WWTR1: variants seen among roughly 807,000 people sequenced by gnomAD.
WWTR1 encodes the protein WW domain-containing transcription regulator protein 1.
WWTR1 carries 13 observed loss-of-function variants against 40.1 expected under a neutral mutation model. The ratio of observed to expected loss-of-function variants is 0.32; its 90% CI spans 0.21 to 0.52. The LOEUF is 0.52. Among genes scored for constraint, WWTR1 ranks in the 20% least tolerant of loss-of-function variants. WWTR1 has a pLI of 0.97. For synonymous variants in WWTR1, 230 were observed against 210.1 expected (o/e 1.09, Z -0.82); for missense variants, 436 against 523.1 (o/e 0.83, Z 1.63).
chr3:149,534,851 G>C (rs1486560818), intron 4 of WWTR1, among the ~76,000 whole-genome samples: 1 of 152,140 alleles, frequency 6.6e-6, no homozygotes, highest in Admixed American at 6.5e-5. Flanking sequence ...CTGGAGGACG[G>C]GTGATGTGTA....
intron 2 of WWTR1, among the ~76,000 whole-genome samples, chr3:149,636,672 T>C (rs1396449131): frequency 1.3e-5 from 2 of 152,178 alleles, no homozygotes; most frequent in Non-Finnish European, 2.9e-5. Flanking sequence ...GCTTATTGCA[T>C]AGGAAAGAGT....
intron 2 of WWTR1, among the ~76,000 whole-genome samples, chr3:149,650,338 C>T (rs546286388): frequency 1.5e-4 from 23 of 152,330 alleles, no homozygotes; most frequent in Admixed American, 5.2e-4. Context: ...TTTGGAATCA[C>T]AGAGTTCTAA....
chr3:149,568,990 T>C (rs1341414193), intron 3 of WWTR1, among the ~76,000 whole-genome samples: 1 of 152,148 alleles, frequency 6.6e-6, no homozygotes, highest in East Asian at 1.9e-4. Flanking sequence ...ACGGTCTCGA[T>C]CTCCTGACCT....
chr3:149,599,712 A>G (rs746132599), intron 2 of WWTR1, among the ~76,000 whole-genome samples: 1 of 152,206 alleles, frequency 6.6e-6, no homozygotes, highest in Non-Finnish European at 1.5e-5. Flanking sequence ...TAAATCAAAA[A>G]TTTTTTAAAC....
chr3:149,651,970 C>T lies in WWTR1; in HGVS notation c.431+4906G>A, dbSNP rs562520476. Among the ~76,000 whole-genome samples, 17 of 149,086 alleles carry T rather than the reference C, an allele frequency of 1.1e-4. No individual in the cohort carries two copies. The South Asian group carries it at 3.7e-3, about 32-fold the overall frequency. ...TCAGCCTCCTGAGTAGGACTACAGG[C>T]GCCCGCTGCCACGCCCGGCTAATTT... On this transcript the variant is annotated intron_variant, in intron 2 of 6. Coordinates refer to ENST00000360632, the MANE Select transcript of WWTR1 (RefSeq NM_015472.6).
intron 2 of WWTR1, among the ~76,000 whole-genome samples, chr3:149,624,869 CATTTTATTTATTTT>C (rs1740472130): frequency 6.6e-6 from 1 of 151,038 alleles, no homozygotes; most frequent in Non-Finnish European, 1.5e-5. Context: ...CCAGCTAATT[CATTTTATTTATTTT>C]ATTTTATTTA....
chr3:149,722,357 T>C (rs1235817130), intron 4 of WWTR1, among the ~76,000 whole-genome samples: 1 of 152,114 alleles, frequency 6.6e-6, no homozygotes, highest in Non-Finnish European at 1.5e-5. Flanking sequence ...AAGACATTTA[T>C]TGTTTTTTTA....
At chr3:149,603,711 A>T (rs1290580035) in intron 2 of WWTR1, among the ~76,000 whole-genome samples, 1 of 152,152 alleles carries the variant, frequency 6.6e-6, no homozygotes, top group East Asian at 1.9e-4. Flanking sequence ...TTCCACACAG[A>T]AAGTTTTGTG....
intron 1 of WWTR1, among the ~76,000 whole-genome samples, chr3:149,688,007 GGAGAGACTTCTGCTTGAGGAAAA>G: frequency 6.6e-6 from 1 of 151,744 alleles, no homozygotes; most frequent in Middle Eastern, 3.4e-3. Flanking sequence ...GTGGACATGG[GGAGAGACTTCTGCTTGAGGAAAA>G]GAGAGACTTC....
intron 5 of WWTR1, among the ~76,000 whole-genome samples, chr3:149,709,068 C>T (rs558547298): frequency 9.2e-5 from 14 of 152,202 alleles, no homozygotes; most frequent in African/African-American, 2.9e-4. Flanking sequence ...CTCTGCCTCC[C>T]GGGCTCAAGC....
intron 1 of WWTR1, among the ~76,000 whole-genome samples, chr3:149,691,099 G>GA (rs1714811818): frequency 6.6e-6 from 1 of 151,506 alleles, no homozygotes; most frequent in Admixed American, 6.6e-5. Context: ...TTTTTTAAAA[G>GA]AAAAAATTTC....
At position 149,666,211 on chromosome 3, in the gene WWTR1, T is replaced by C. The variant is rs558062440; in HGVS notation, c.-4+3577A>G. Among the ~76,000 whole-genome samples the C allele has an allele frequency of 1.1e-4, 11 of 99,136 alleles. No individual in the cohort carries two copies. In the South Asian group the frequency reaches 3.0e-3, roughly 27 times the overall value. The allele number at this position is 99,136 out of a possible 152,430, so 65.0% of individuals were successfully genotyped here. A position where few individuals can be genotyped will look rare whatever the true frequency, so the allele number is the denominator to read the frequency against. On this transcript the variant is annotated intron_variant, in intron 2 of 7. Transcript: ENST00000465804. Reference sequence around the variant, plus strand: ...CAAGTATATATGGGCTCTACTATTATCTCTCTGTCTCAGCATTGTCCAGAC... The same window carrying C: ...CAAGTATATATGGGCTCTACTATTACCTCTCTGTCTCAGCATTGTCCAGAC...
intron 2 of WWTR1, among the ~76,000 whole-genome samples, chr3:149,669,138 A>G (rs1040280101): frequency 3.3e-5 from 5 of 152,252 alleles, no homozygotes; most frequent in Non-Finnish European, 7.3e-5. Context: ...TTTGTGGAAC[A>G]AGAAATAAGA....
At chr3:149,612,321 G>A (rs1205654409) in intron 2 of WWTR1, among the ~76,000 whole-genome samples, 1 of 151,704 alleles carries the variant, frequency 6.6e-6, no homozygotes, top group African/African-American at 2.4e-5. Context: ...TTGTTACAAT[G>A]GGCATTGGGT....
chr3:149,692,011 G>A (rs971659136), intron 1 of WWTR1, among the ~76,000 whole-genome samples: 5 of 151,412 alleles, frequency 3.3e-5, no homozygotes, highest in Non-Finnish European at 5.9e-5. Context: ...GCGAGACTCC[G>A]TCTCAAAAAA....
chr3:149,703,142 T>C (rs1254265309), exon 1 of WWTR1: 2 of 152,292 alleles, frequency 1.3e-5, no homozygotes, highest in East Asian at 3.8e-4. Flanking sequence ...ATACTGAATG[T>C]ACATGTCTTC....
At chr3:149,603,007 T>C (rs1443879854) in intron 2 of WWTR1, among the ~76,000 whole-genome samples, 3 of 147,850 alleles carry the variant, frequency 2.0e-5, no homozygotes, top group Admixed American at 6.8e-5. Context: ...AATAAATAAA[T>C]AAATAACCAG....
intron 1 of WWTR1, chr3:149,670,856 T>C (rs895762555): frequency 6.6e-6 from 1 of 152,088 alleles, no homozygotes; most frequent in Admixed American, 6.6e-5. Flanking sequence ...AAAAAAGTTA[T>C]CACACTGCTT....
chr3:149,542,641 T>G, intron 3 of WWTR1, 104 bp from the exon 4 acceptor site: 1 of 1,203,656 alleles, frequency 8.3e-7, no homozygotes, highest in Non-Finnish European at 1.1e-6. Context: ...ATTCCTGAGA[T>G]TCCTTCCAAA....
Sources: allele counts gnomAD v4.1 joint callset (sites outside exome capture counted in the v4.1 genomes callset), GRCh38; gene constraint gnomAD v4.1.1; transcripts MANE v1.5; gene names NCBI Gene and HGNC (gene_info 2026-07-23, HGNC 2026-07-21).